RNF144B: variants seen among roughly 807,000 people sequenced by gnomAD.
The protein encoded by RNF144B is E3 ubiquitin-protein ligase RNF144B.
In RNF144B, 25 loss-of-function variants were observed where a neutral mutation model predicts 40.2. The observed-to-expected ratio is 0.62, with a 90% confidence interval of 0.45 to 0.87. The LOEUF is 0.87. RNF144B is among the 40% of genes least tolerant of loss of function. The pLI, the probability that RNF144B is intolerant of heterozygous loss-of-function variation, is 0.00. For missense variants in RNF144B, 365 were observed against 373.7 expected, an observed-to-expected ratio of 0.98 and a Z score of 0.19; for synonymous variants, 145 against 136.3, an observed-to-expected ratio of 1.06 and a Z score of -0.44.
At chr6:18,452,702 C>A (rs1255431762) in intron 4 of RNF144B, among the ~76,000 whole-genome samples, 1 of 152,000 alleles carries the variant, frequency 6.6e-6, no homozygotes, top group Non-Finnish European at 1.5e-5. Context: ...CCTCTCCTAG[C>A]CCCTGCCTTT....
At position 18,465,326 on chromosome 6, in the gene RNF144B, T is replaced by C. The variant is rs2113544656; in HGVS notation, c.*259T>C. 6.2e-6 allele frequency: 3 copies of C among 487,796 alleles called. No individual in the cohort carries two copies. Among genetic ancestry groups the C allele is most frequent in the Non-Finnish European group, 7.3e-6 (2 of 273,562 alleles). The allele number at this position is 487,796 out of a possible 1,614,324, so 30.2% of individuals were successfully genotyped here. A position where few individuals can be genotyped will look rare whatever the true frequency, so the allele number is the denominator to read the frequency against. On this transcript the variant is annotated 3_prime_UTR_variant, in exon 8 of 8. Transcript: ENST00000259939. ...GGGTTCCTTGAGATGAATGAACATA[T>C]CATTTTATCATCCAAAGGATCTCAC... is the stretch of plus-strand genomic sequence containing the variant.
Position 18,434,787 on chromosome 6 carries a change from A to T in RNF144B, c.271-4897A>T, listed in dbSNP as rs879765291. On this transcript the variant is annotated intron_variant, in intron 3 of 7. Coordinates refer to ENST00000259939, the MANE Select transcript of RNF144B (RefSeq NM_182757.4). This position sits in a 1 kb window ranked among gnomAD's most constrained non-coding sequence, Gnocchi z 4.1. ...CAGGCGCCTGCTACCACGCCCAGCT[A>T]ATTTTTTGTATTTTTAGTAGAGATG... is the stretch of plus-strand genomic sequence containing the variant. Among the ~76,000 whole-genome samples, 1 of 151,986 alleles carries T rather than the reference A, an allele frequency of 6.6e-6. No homozygotes were observed. The highest frequency in any genetic ancestry group is 1.5e-5 in the Non-Finnish European group (1 of 67,994).
At chr6:18,433,768 G>C (rs1758749689) in intron 3 of RNF144B, among the ~76,000 whole-genome samples, 1 of 152,206 alleles carries the variant, frequency 6.6e-6, no homozygotes, top group Admixed American at 6.5e-5. Flanking sequence ...TTTTAATCTA[G>C]TATTCAGGTG....
In RNF144B at chr6:18,446,745, G is replaced by A. The variant is rs1468927588; in HGVS notation, c.331+7001G>A. On this transcript the variant is annotated intron_variant, in intron 4 of 7. Transcript: ENST00000259939. This position sits in a 1 kb window ranked among gnomAD's most constrained non-coding sequence, Gnocchi z 4.7. Reference sequence around the variant, plus strand: ...AAGACATTTTTGATCGTCACGACTTGGGTAGGAAGCTACTGGCAGCTAGTG... The same window carrying A: ...AAGACATTTTTGATCGTCACGACTTAGGTAGGAAGCTACTGGCAGCTAGTG... 6.6e-6 allele frequency among the ~76,000 whole-genome samples: 1 copy of A among 152,062 alleles called. No individual in the cohort carries two copies. The highest frequency in any genetic ancestry group is 2.4e-5 in the African/African-American group (1 of 41,382).
Position 18,399,699 on chromosome 6 carries a change from T to C in RNF144B, c.165T>C (p.Ala55=). Residue 55 remains alanine, a splice_region_variant and synonymous_variant, in exon 2 of 8, where the codon GCT becomes GCC. Coordinates refer to ENST00000259939, the MANE Select transcript of RNF144B (RefSeq NM_182757.4). The stretch of plus-strand genomic sequence containing the variant: ...AATGCCAGTGCATCTTTTGCACAGC[T>C]GTGAGTTTTCCTTGATGCTTTCACT... ...LQECQCIFCT[A]CLKQYMQLAI... 1 of 1,610,310 alleles carries C rather than the reference T, an allele frequency of 6.2e-7. No individual in the cohort carries two copies. Among genetic ancestry groups the C allele is most frequent in the Non-Finnish European group, 8.5e-7 (1 of 1,176,938 alleles).
intron 1 of RNF144B, among the ~76,000 whole-genome samples, chr6:18,390,054 T>C (rs1315861760): frequency 6.6e-6 from 1 of 152,208 alleles, no homozygotes; most frequent in Non-Finnish European, 1.5e-5. Context: ...TAAAGATGGC[T>C]AAGATGTGGT....
chr6:18,425,986 G>A lies in RNF144B; in HGVS notation c.166-1595G>A, dbSNP rs1283423344. Among the ~76,000 whole-genome samples the A allele has an allele frequency of 6.6e-6, 1 of 152,140 alleles. No homozygotes were observed. The highest frequency in any genetic ancestry group is 2.4e-5 in the African/African-American group (1 of 41,430). On this transcript the variant is annotated intron_variant, in intron 2 of 7. Coordinates refer to ENST00000259939, the MANE Select transcript of RNF144B (RefSeq NM_182757.4). The surrounding 1 kb of genome is among the most constrained non-coding windows in gnomAD (Gnocchi z 4.2). ...TCATTGATTCATCAGTACATTGTAA[G>A]TTATTTATAACCAGATAAATACATG...
At chr6:18,390,288 G>A (rs1412367852) in intron 1 of RNF144B, among the ~76,000 whole-genome samples, 3 of 152,182 alleles carry the variant, frequency 2.0e-5, no homozygotes, top group East Asian at 3.9e-4. Context: ...TTACCTTTAG[G>A]TGTATGTGGG....
chr6:18,420,568 C>G lies in RNF144B; in HGVS notation c.166-7013C>G, dbSNP rs1324592790. Among the ~76,000 whole-genome samples the G allele has an allele frequency of 2.0e-5, 3 of 152,240 alleles. No individual in the cohort carries two copies. In the East Asian group the frequency reaches 5.8e-4, roughly 29 times the overall value. On this transcript the variant is annotated intron_variant, in intron 2 of 7. Coordinates refer to ENST00000259939, the MANE Select transcript of RNF144B (RefSeq NM_182757.4). Reference sequence around the variant, plus strand: ...TGTGTACAATAAACATCTGGTGTTACCTACGGTCATCATAGAAAGGTTGGC... The same window carrying G: ...TGTGTACAATAAACATCTGGTGTTAGCTACGGTCATCATAGAAAGGTTGGC...
Position 18,414,511 on chromosome 6 carries a change from T to A in RNF144B, c.166-13070T>A, listed in dbSNP as rs1178779918. On this transcript the variant is annotated intron_variant, in intron 2 of 7. Transcript: ENST00000259939. The surrounding 1 kb of genome is among the most constrained non-coding windows in gnomAD (Gnocchi z 4.9). ...TATTCTGTCACTTATACAGTGTTAA[T>A]ATTCTTTTAAAATTTCAAAAATTCA... Among the ~76,000 whole-genome samples the A allele has an allele frequency of 1.3e-5, 2 of 152,198 alleles. No homozygotes were observed. The highest frequency in any genetic ancestry group is 2.1e-4 in the South Asian group (1 of 4,830).
Position 18,434,900 on chromosome 6 carries a change from C to T in RNF144B, c.271-4784C>T, listed in dbSNP as rs563076507. 3.2e-3 allele frequency among the ~76,000 whole-genome samples: 482 copies of T among 152,262 alleles called. 8 individuals carry two copies. The highest frequency in any genetic ancestry group is 0.011 in the African/African-American group (455 of 41,552). On this transcript the variant is annotated intron_variant, in intron 3 of 7. Coordinates refer to ENST00000259939, the MANE Select transcript of RNF144B (RefSeq NM_182757.4). The surrounding 1 kb of genome is among the most constrained non-coding windows in gnomAD (Gnocchi z 4.1). ...CCTCCCAAAGTGCTAGGATTACAGGCGTAAGCCACCTTGCCTGGCCAGAAT... is the reference window on the plus strand; with the variant it reads ...CCTCCCAAAGTGCTAGGATTACAGGTGTAAGCCACCTTGCCTGGCCAGAAT...
chr6:18,407,057 C>T (rs1343303805), intron 2 of RNF144B, among the ~76,000 whole-genome samples: 1 of 152,092 alleles, frequency 6.6e-6, no homozygotes, highest in African/African-American at 2.4e-5. Flanking sequence ...AGTCACCTCC[C>T]ACCAGGTCCC....
At chr6:18,408,928 C>A (rs1176848518) in intron 2 of RNF144B, among the ~76,000 whole-genome samples, 2 of 124,558 alleles carry the variant, frequency 1.6e-5, no homozygotes, top group East Asian at 2.6e-4. Flanking sequence ...CCTATATAGT[C>A]CAGAAAAGTG....
At chr6:18,411,378 C>A (rs12207843) in intron 2 of RNF144B, among the ~76,000 whole-genome samples, 95,679 of 147,790 alleles carry the variant, frequency 0.65, 31,125 homozygotes, top group Non-Finnish European at 0.7. Flanking sequence ...TGGTTTATTA[C>A]ATTGAAGATA....
intron 1 of RNF144B, among the ~76,000 whole-genome samples, chr6:18,390,425 T>C (rs1045633954): frequency 5.9e-5 from 9 of 152,224 alleles, no homozygotes; most frequent in South Asian, 2.1e-4. Flanking sequence ...ATATATTAAA[T>C]GAGTAAAAAT....
At chr6:18,435,429 G>A (rs978254609) in intron 3 of RNF144B, among the ~76,000 whole-genome samples, 64 of 152,020 alleles carry the variant, frequency 4.2e-4, no homozygotes, top group African/African-American at 1.5e-3. Context: ...AGAAGGGACA[G>A]CTTTTTCTTA....
At position 18,448,731 on chromosome 6, in the gene RNF144B, T is replaced by C. The variant is rs1374156578; in HGVS notation, c.332-8424T>C. The stretch of plus-strand genomic sequence containing the variant: ...ACACACACACACCCCACCCCCAAGA[T>C]AGAACCAGCAAAAGTTTCATGAAAC... On this transcript the variant is annotated intron_variant, in intron 4 of 7. Transcript: ENST00000259939. This position sits in a 1 kb window ranked among gnomAD's most constrained non-coding sequence, Gnocchi z 4.0. 1.4e-5 allele frequency among the ~76,000 whole-genome samples: 2 copies of C among 145,180 alleles called. No homozygotes were observed. Among genetic ancestry groups the C allele is most frequent in the East Asian group, 2.0e-4 (1 of 5,106 alleles).
intron 1 of RNF144B, among the ~76,000 whole-genome samples, chr6:18,391,798 GC>G (rs1377080695): frequency 1.3e-5 from 2 of 151,590 alleles, no homozygotes; most frequent in African/African-American, 4.8e-5. Context: ...AACCCAGGAG[GC>G]GGAGCTTGCA....
rs1285456090 is a variant in RNF144B at position 18,414,986 on chromosome 6, C to T, written c.166-12595C>T. ...AAAGATACCCAAATTCATGAATGCT[C>T]AAGTCCCTTATATAGAATGGTGTAG... On this transcript the variant is annotated intron_variant, in intron 2 of 7. Transcript: ENST00000259939. This position sits in a 1 kb window ranked among gnomAD's most constrained non-coding sequence, Gnocchi z 4.9. Among the ~76,000 whole-genome samples the T allele has an allele frequency of 6.6e-6, 1 of 152,118 alleles. No individual in the cohort carries two copies. The highest frequency in any genetic ancestry group is 2.4e-5 in the African/African-American group (1 of 41,412).
Sources: allele counts gnomAD v4.1 joint callset (sites outside exome capture counted in the v4.1 genomes callset), GRCh38; gene constraint gnomAD v4.1.1; non-coding constraint Gnocchi (gnomAD v3.1); transcripts MANE v1.5; gene names NCBI Gene and HGNC (gene_info 2026-07-23, HGNC 2026-07-21).